The following ABCC4 variants were observed in gnomAD, a reference collection of about 807,000 sequenced individuals.
ABCC4 encodes ATP binding cassette subfamily C member 4 (PEL blood group).
A neutral mutation model predicts 168.5 loss-of-function variants in ABCC4; 102 were observed. The ratio of observed to expected loss-of-function variants is 0.61; its 90% confidence interval spans 0.52 to 0.71. ABCC4 has a LOEUF of 0.71. Among genes scored for constraint, ABCC4 ranks in the 30% least tolerant of loss-of-function variants. The pLI, the probability that ABCC4 is intolerant of heterozygous loss-of-function variation, is 0.00. For synonymous variants in ABCC4, 617 were observed against 590.7 expected (o/e 1.04, Z -0.65); for missense variants, 1,402 against 1,605.8 (o/e 0.87, Z 2.17).
chr13:95,042,031 C>A (rs571309662), intron 29 of ABCC4, among the ~76,000 whole-genome samples: 2 of 152,140 alleles, frequency 1.3e-5, no homozygotes, highest in Non-Finnish European at 2.9e-5. Context: ...GCCAGGGAGC[C>A]CTAAATGGAA....
chr13:95,270,951 C>G lies in ABCC4; in HGVS notation c.75-23198G>C, dbSNP rs2040831520. 1.3e-5 allele frequency among the ~76,000 whole-genome samples: 2 copies of G among 152,242 alleles called. 1 individual carries two copies. The highest frequency in any genetic ancestry group is 4.8e-5 in the African/African-American group (2 of 41,560). ...TCTACTAAAAATACAAAAAATTAGCCTGGCATGGTGGCAGCCGCCTGTAGT... is the reference window on the plus strand; with the variant it reads ...TCTACTAAAAATACAAAAAATTAGCGTGGCATGGTGGCAGCCGCCTGTAGT... On this transcript the variant is annotated intron_variant, in intron 1 of 30. Coordinates refer to ENST00000645237, the MANE Select transcript of ABCC4 (RefSeq NM_005845.5).
chr13:95,029,991 CCA>C (rs1238255210), intron 30 of ABCC4, among the ~76,000 whole-genome samples: 9 of 149,536 alleles, frequency 6.0e-5, no homozygotes, highest in African/African-American at 7.5e-5. Context: ...GTCTATCTAT[CCA>C]TCCATCCATC....
chr13:95,137,881 C>A (rs1205079214), intron 19 of ABCC4, among the ~76,000 whole-genome samples: 2 of 152,092 alleles, frequency 1.3e-5, no homozygotes, highest in Non-Finnish European at 2.9e-5. Flanking sequence ...CCCAGGGAGG[C>A]AAACTGTTTG....
At chr13:95,035,526 A>G (rs1342319613) in intron 29 of ABCC4, among the ~76,000 whole-genome samples, 1 of 152,248 alleles carries the variant, frequency 6.6e-6, no homozygotes, top group East Asian at 1.9e-4. Context: ...CACATGGCAC[A>G]CGGGGCAGCC....
intron 9 of ABCC4, among the ~76,000 whole-genome samples, chr13:95,192,408 T>C (rs1288154537): frequency 6.6e-6 from 1 of 151,658 alleles, no homozygotes; most frequent in East Asian, 1.9e-4. Flanking sequence ...CAGGATGGAG[T>C]GTTCTGTTTA....
intron 9 of ABCC4, among the ~76,000 whole-genome samples, chr13:95,189,495 T>C (rs1344414674): frequency 1.3e-5 from 2 of 152,212 alleles, no homozygotes; most frequent in Non-Finnish European, 2.9e-5. Context: ...TTGGTTTTAA[T>C]ATTCTATTTC....
At chr13:95,298,453 A>C (rs926389687) in intron 1 of ABCC4, among the ~76,000 whole-genome samples, 1 of 152,040 alleles carries the variant, frequency 6.6e-6, no homozygotes. Flanking sequence ...CCACCCACAC[A>C]CCCAGTGTTT....
At chr13:95,094,167 T>TA (rs577459302) in intron 20 of ABCC4, among the ~76,000 whole-genome samples, 8,705 of 148,128 alleles carry the variant, frequency 0.059, 801 homozygotes, top group African/African-American at 0.2. Flanking sequence ...TGCACAGAAT[T>TA]AAAAAAAAAA....
intron 18 of ABCC4, chr13:95,161,916 C>T (rs567207302): frequency 1.1e-4 from 16 of 152,144 alleles, no homozygotes; most frequent in African/African-American, 3.9e-4. Flanking sequence ...CAACTAATCC[C>T]CCACTGTTTT....
chr13:95,031,229 C>T (rs2031862420), intron 30 of ABCC4, among the ~76,000 whole-genome samples: 1 of 152,200 alleles, frequency 6.6e-6, no homozygotes, highest in Non-Finnish European at 1.5e-5. Flanking sequence ...GAGAATCAAG[C>T]TGTGTATTTC....
intron 20 of ABCC4, chr13:95,096,073 T>G (rs1216723097): frequency 2.2e-6 from 1 of 460,388 alleles, no homozygotes; most frequent in Non-Finnish European, 3.8e-6. Flanking sequence ...CCAGGTACAG[T>G]GGCTCATGCC....
intron 20 of ABCC4, chr13:95,096,000 A>T: frequency 7.5e-6 from 3 of 402,590 alleles, no homozygotes; most frequent in Non-Finnish European, 1.3e-5. Flanking sequence ...GATGAAAAGT[A>T]TAAGAGCAAA....
chr13:95,069,399 TA>T (rs934050624), intron 25 of ABCC4, among the ~76,000 whole-genome samples: 8 of 151,624 alleles, frequency 5.3e-5, no homozygotes, highest in African/African-American at 1.2e-4. Flanking sequence ...CTATCTTCTT[TA>T]AAAAAAAATT....
intron 1 of ABCC4, among the ~76,000 whole-genome samples, chr13:95,260,953 G>T (rs946443743): frequency 1.3e-5 from 2 of 150,862 alleles, no homozygotes; most frequent in Admixed American, 6.7e-5. Context: ...CTGCTTGGTC[G>T]TAACTCTGTG....
At chr13:95,289,759 G>A (rs983305649) in intron 1 of ABCC4, among the ~76,000 whole-genome samples, 1 of 152,192 alleles carries the variant, frequency 6.6e-6, no homozygotes, top group African/African-American at 2.4e-5. Flanking sequence ...TTGATCAGTG[G>A]TTCTTGGGCT....
intron 3 of ABCC4, among the ~76,000 whole-genome samples, chr13:95,236,596 G>A (rs765007946): frequency 2.4e-4 from 21 of 88,676 alleles, no homozygotes; most frequent in Non-Finnish European, 3.6e-4. Flanking sequence ...GAACGCGCGC[G>A]TGCGCGCACA....
intron 1 of ABCC4, among the ~76,000 whole-genome samples, chr13:95,257,316 A>C (rs1327029135): frequency 6.6e-6 from 1 of 152,202 alleles, no homozygotes; most frequent in Non-Finnish European, 1.5e-5. Context: ...GAATAGGCTG[A>C]AGAGGAAGAG....
intron 19 of ABCC4, among the ~76,000 whole-genome samples, chr13:95,120,308 T>C (rs1366510402): frequency 6.6e-6 from 1 of 152,156 alleles, no homozygotes; most frequent in African/African-American, 2.4e-5. Flanking sequence ...GGCTCATGCC[T>C]ATAATCCCAG....
chr13:95,203,331 AG>A (rs1466445960), intron 8 of ABCC4, among the ~76,000 whole-genome samples: 1 of 124,980 alleles, frequency 8.0e-6, no homozygotes, highest in East Asian at 2.3e-4. Context: ...GCCAGTCAGG[AG>A]GCTCTTTTTT....
Sources: allele counts gnomAD v4.1 joint callset (sites outside exome capture counted in the v4.1 genomes callset), GRCh38; gene constraint gnomAD v4.1.1; transcripts MANE v1.5; gene names NCBI Gene and HGNC (gene_info 2026-07-23, HGNC 2026-07-21).